Variants in ABCA9 observed in about 807,000 individuals in gnomAD.
The protein encoded by ABCA9 is ATP binding cassette subfamily A member 9, also known as ATP-binding cassette sub-family A member 9.
ABCA9 carries 183 observed loss-of-function variants against 205.3 expected under a neutral mutation model. The observed-to-expected ratio is 0.89, with a 90% confidence interval of 0.79 to 1.01. The LOEUF (loss-of-function observed/expected upper bound fraction) is 1.01, where lower values mean the gene tolerates loss of function less well. Ranked by LOEUF, ABCA9 falls within the 50% of genes least tolerant of loss-of-function variation. The pLI is 0.00. For missense variants in ABCA9, 1,805 were observed against 1,912.4 expected, an observed-to-expected ratio of 0.94 and a Z score of 1.05; for synonymous variants, 651 against 683.3, an observed-to-expected ratio of 0.95 and a Z score of 0.74.
In ABCA9 at chr17:68,982,766, A is replaced by G. The variant is rs575203440; in HGVS notation, c.4641-125T>C. 1.7e-3 allele frequency: 1,100 copies of G among 653,634 alleles called. 22 individuals are homozygous for G. The highest frequency in any genetic ancestry group is 0.015 in the South Asian group (732 of 50,394). The allele number at this position is 653,634 out of a possible 1,614,324, so 40.5% of individuals were successfully genotyped here. A position where few individuals can be genotyped will look rare whatever the true frequency, so the allele number is the denominator to read the frequency against. ...ATGCCTGTAACCACTGCAATTTGGG[A>G]GGCCAAGAAGGGAAGATTGCTTGAG... On this transcript the variant is annotated intron_variant, in intron 36 of 38. Coordinates refer to ENST00000340001, the MANE Select transcript of ABCA9 (RefSeq NM_080283.4).
At chr17:69,005,190 C>A (rs9898739) in intron 25 of ABCA9, among the ~76,000 whole-genome samples, 10,766 of 152,248 alleles carry the variant, frequency 0.071, 1,234 homozygotes, top group African/African-American at 0.24. Context: ...GATGTAGGGC[C>A]TTGCTTTCTA....
chr17:68,986,515 T>C, intron 31 of ABCA9, 191 bp from the exon 32 acceptor site: 1 of 504,282 alleles, frequency 2.0e-6, no homozygotes, highest in Admixed American at 3.8e-5. Context: ...CATTCCATGG[T>C]TATCCATTGT....
intron 25 of ABCA9, among the ~76,000 whole-genome samples, chr17:69,005,846 G>GTAT (rs372765413): frequency 3.9e-5 from 6 of 151,988 alleles, no homozygotes; most frequent in African/African-American, 1.4e-4. Context: ...TTGCTGTTGT[G>GTAT]TATTATTTGC....
chr17:68,974,895 G>C lies in ABCA9; in HGVS notation c.*1020C>G, dbSNP rs2068859573. The stretch of plus-strand genomic sequence containing the variant: ...ATACTTTAAGTTCTGGGATACATGT[G>C]CTGAATGTGCAGGTTTGTTACACAG... On this transcript the variant is annotated 3_prime_UTR_variant, in exon 39 of 39. Transcript: ENST00000340001. 6.6e-6 allele frequency: 1 copy of C among 152,098 alleles called. No homozygotes were observed. The highest frequency in any genetic ancestry group is 2.4e-5 in the African/African-American group (1 of 41,398). The allele number at this position is 152,098 out of a possible 1,614,324, so 9.4% of individuals were successfully genotyped here.
rs749412818 is a variant in ABCA9 at position 69,026,414 on chromosome 17, A to G, written c.2104T>C (p.Phe702Leu). 2 of 1,613,916 alleles carry G rather than the reference A, an allele frequency of 1.2e-6. No individual in the cohort carries two copies. The highest frequency in any genetic ancestry group is 1.7e-6 in the Non-Finnish European group (2 of 1,179,818). The change falls in exon 16 of 39, where the codon TTC becomes CTC. Residue 702 changes from phenylalanine (F) to leucine (L), a missense_variant. Coordinates refer to ENST00000340001, the MANE Select transcript of ABCA9 (RefSeq NM_080283.4). The part of the protein sequence containing the change: ...GKLKCAGSSL[F>L]LKKKWGIGYH... ...CCTATGCCCCATTTCTTCTTAAGGA[A>G]CAGAGAAGAGCCTGCACACTTCAGC...
At chr17:69,046,897 AT>A (rs1489058094) in intron 3 of ABCA9, among the ~76,000 whole-genome samples, 4 of 131,562 alleles carry the variant, frequency 3.0e-5, no homozygotes, top group Admixed American at 8.2e-5. Flanking sequence ...ATATATATAT[AT>A]ATATATATAT....
chr17:69,015,300 T>A (rs1012591637), intron 22 of ABCA9, among the ~76,000 whole-genome samples: 10 of 152,182 alleles, frequency 6.6e-5, no homozygotes, highest in African/African-American at 2.4e-4. Context: ...ACTAGAATGA[T>A]CCTTCATAAC....
chr17:69,075,067 GT>G, the ABCA9 span, among the ~76,000 whole-genome samples: 1 of 152,042 alleles, frequency 6.6e-6, no homozygotes, highest in Non-Finnish European at 1.5e-5. Flanking sequence ...GTCTGTTCAT[GT>G]TTTTTGACCA....
chr17:69,013,270 AATTTGATCT>A (rs1329499521), intron 22 of ABCA9, among the ~76,000 whole-genome samples: 1 of 152,104 alleles, frequency 6.6e-6, no homozygotes, highest in Non-Finnish European at 1.5e-5. Context: ...TACAAACCTT[AATTTGATCT>A]ATCATCAGTT....
intron 1 of ABCA9, among the ~76,000 whole-genome samples, chr17:69,055,562 G>A (rs984856165): frequency 2.6e-5 from 4 of 152,166 alleles, no homozygotes; most frequent in African/African-American, 7.2e-5. Flanking sequence ...CACTCTTATA[G>A]TTGGAGACTT....
Position 68,989,859 on chromosome 17 carries a change from C to T in ABCA9, c.3909G>A (p.Arg1303=). 1.2e-6 allele frequency: 2 copies of T among 1,612,852 alleles called. No homozygotes were observed. The highest frequency in any genetic ancestry group is 1.7e-6 in the Non-Finnish European group (2 of 1,179,134). ...CATTTCTTGTGGCAATTTTTTTCTT[C>T]CTTTTAGAAAAGCAATTTTTCTTTT... ...AGKKKNCFSK[R]KKKIATRNVS... Residue 1303 remains arginine, a synonymous_variant, in exon 30 of 39, where the codon AGG becomes AGA. Transcript: ENST00000340001.
chr17:69,022,820 T>C (rs1046709190), intron 17 of ABCA9, among the ~76,000 whole-genome samples: 2 of 152,188 alleles, frequency 1.3e-5, no homozygotes, highest in Non-Finnish European at 2.9e-5. Flanking sequence ...TAATTCAATA[T>C]TGGGATAAAT....
chr17:68,981,254 G>A (rs1374845725), intron 37 of ABCA9, among the ~76,000 whole-genome samples: 1 of 151,904 alleles, frequency 6.6e-6, no homozygotes, highest in African/African-American at 2.4e-5. Flanking sequence ...ATAATTTATT[G>A]TATACTTGAA....
In ABCA9 at chr17:68,985,123, A is replaced by G. The variant is rs968853350; in HGVS notation, c.4214T>C (p.Val1405Ala). 3 of 1,614,200 alleles carry G rather than the reference A, an allele frequency of 1.9e-6. No homozygotes were observed. Among genetic ancestry groups the G allele is most frequent in the Non-Finnish European group, 2.5e-6 (3 of 1,180,024 alleles). ...GDAMIAITRL[V>A]DALKLQDQLK... Reference sequence around the variant, plus strand: ...CTGGTCCTGCAGCTTGAGCGCATCCACTAACCTGAAGAAAACAGAGTCAAT... The same window carrying G: ...CTGGTCCTGCAGCTTGAGCGCATCCGCTAACCTGAAGAAAACAGAGTCAAT... Residue 1405 changes from valine to alanine, a missense_variant, in exon 33 of 39, where the codon GTG (valine) becomes GCG (alanine). Coordinates refer to ENST00000340001, the MANE Select transcript of ABCA9 (RefSeq NM_080283.4).
chr17:68,997,031 A>G (rs964103765), intron 25 of ABCA9, among the ~76,000 whole-genome samples: 1 of 152,204 alleles, frequency 6.6e-6, no homozygotes, highest in African/African-American at 2.4e-5. Context: ...CTCAGGTTCA[A>G]GCGATTCTCC....
chr17:69,038,431 G>A (rs1411755165), intron 6 of ABCA9, among the ~76,000 whole-genome samples: 2 of 152,098 alleles, frequency 1.3e-5, no homozygotes, highest in Non-Finnish European at 2.9e-5. Context: ...ATCAATAAAT[G>A]TAATCCATCA....
At chr17:68,995,210 C>T (rs949982346) in intron 26 of ABCA9, among the ~76,000 whole-genome samples, 1 of 152,154 alleles carries the variant, frequency 6.6e-6, no homozygotes, top group Non-Finnish European at 1.5e-5. Flanking sequence ...TGCCATCTGG[C>T]ACACACCCTT....
chr17:69,011,981 A>C lies in ABCA9; in HGVS notation c.3142T>G (p.Tyr1048Asp), dbSNP rs1432350434. The change falls in exon 23 of 39, where the codon TAC becomes GAC. Residue 1048 changes from tyrosine to aspartate, a missense_variant. Tyr to Asp is a radical substitution (Grantham distance 160). Coordinates refer to ENST00000340001, the MANE Select transcript of ABCA9 (RefSeq NM_080283.4). The stretch of plus-strand genomic sequence containing the variant: ...AAGACTTTAACTCTTCTTACTTTGT[A>C]GTCACCAATGCTGCTCATTGCAATG... ...PYIAMSSIGD[Y>D]KKKAHSQLRI... is the part of the protein sequence containing the mutation. The C allele has an allele frequency of 6.2e-7, 1 of 1,606,952 alleles. No homozygotes were observed. Among genetic ancestry groups the C allele is most frequent in the South Asian group, 1.1e-5 (1 of 89,850 alleles).
At chr17:68,980,493 T>C (rs9901228) in intron 37 of ABCA9, among the ~76,000 whole-genome samples, 8,002 of 152,070 alleles carry the variant, frequency 0.053, 713 homozygotes, top group African/African-American at 0.18. Flanking sequence ...CACGTATGTT[T>C]ATTGCGGCAC....
Sources: gnomAD v4.1 joint callset for allele counts (sites outside exome capture counted in the v4.1 genomes callset) on GRCh38, gnomAD v4.1.1 for gene constraint, MANE v1.5 for transcripts, NCBI Gene and HGNC (gene_info 2026-07-23, HGNC 2026-07-21) for gene names.